VPS52: variants seen among roughly 807,000 people sequenced by gnomAD.
The protein encoded by VPS52 is vacuolar protein sorting-associated protein 52 homolog.
A neutral mutation model predicts 98.7 loss-of-function variants in VPS52; 56 were observed. The ratio of observed to expected loss-of-function variants is 0.57; its 90% CI spans 0.46 to 0.71. VPS52 has a LOEUF of 0.71. Among genes scored for constraint, VPS52 ranks in the 30% least tolerant of loss-of-function variants. VPS52 has a pLI of 0.00. For synonymous variants in VPS52, 348 were observed against 346.4 expected (o/e 1.00, Z -0.05); for missense variants, 742 against 925.9 (o/e 0.80, Z 2.58).
chr6:33,257,538 A>T (rs1763130534), intron 17 of VPS52, among the ~76,000 whole-genome samples: 1 of 152,074 alleles, frequency 6.6e-6, no homozygotes, highest in South Asian at 2.1e-4. Context: ...AGCTAGGACT[A>T]CAGGTACGCA....
At chr6:33,251,064 C>T in intron 19 of VPS52, 77 bp from the exon 20 acceptor site, 1 of 1,599,378 alleles carries the variant, frequency 6.3e-7, no homozygotes, top group Non-Finnish European at 8.5e-7. Context: ...GGTTAGGCGG[C>T]CAGGCGCAGT....
chr6:33,251,372 G>C, intron 19 of VPS52, 146 bp downstream of exon 19: 3 of 664,834 alleles, frequency 4.5e-6, no homozygotes, highest in East Asian at 2.5e-5. Flanking sequence ...AAAAAAAAAA[G>C]AATCAGGTTA....
intron 14 of VPS52, 48 bp downstream of exon 14, chr6:33,264,326 T>TA (rs754682846): frequency 6.2e-7 from 1 of 1,606,788 alleles, no homozygotes; most frequent in Non-Finnish European, 8.5e-7. Flanking sequence ...CAATGATGCT[T>TA]AGAGCCCTGC....
At chr6:33,251,443 G>T in intron 19 of VPS52, 75 bp downstream of exon 19, 1 of 1,026,914 alleles carries the variant, frequency 9.7e-7, no homozygotes, top group Non-Finnish European at 1.5e-6. Flanking sequence ...CTTAGATGAT[G>T]CTGAGCCCAG....
chr6:33,261,008 AAAAG>A (rs1220985086), intron 17 of VPS52, among the ~76,000 whole-genome samples: 6 of 152,170 alleles, frequency 3.9e-5, no homozygotes, highest in African/African-American at 1.4e-4. Flanking sequence ...TTAAAAAAAA[AAAAG>A]AATCATAAGA....
Position 33,268,723 on chromosome 6 carries a change from C to A in VPS52, c.549-74G>T. On this transcript the variant is annotated intron_variant, in intron 6 of 19. Coordinates refer to ENST00000445902, the MANE Select transcript of VPS52 (RefSeq NM_022553.6). The surrounding 1 kb of genome is among the most constrained non-coding windows in gnomAD (Gnocchi z 4.0). ...CCCTAAACCAGACCCAGACCACACT[C>A]CTTACCTCCAGCCCCTGTCATCTCT... 2 of 1,489,938 alleles carry A rather than the reference C, an allele frequency of 1.3e-6. No individual in the cohort carries two copies. Among genetic ancestry groups the A allele is most frequent in the South Asian group, 1.3e-5 (1 of 77,486 alleles). The allele number at this position is 1,489,938 out of a possible 1,614,324, so 92.3% of individuals were successfully genotyped here. A position where few individuals can be genotyped will look rare whatever the true frequency, so the allele number is the denominator to read the frequency against.
chr6:33,264,388 T>C lies in VPS52; in HGVS notation c.1510A>G (p.Thr504Ala), dbSNP rs1317289680. 1 of 1,614,092 alleles carries C rather than the reference T, an allele frequency of 6.2e-7. No individual in the cohort carries two copies. Among genetic ancestry groups the C allele is most frequent in the Non-Finnish European group, 8.5e-7 (1 of 1,180,006 alleles). Residue 504 changes from threonine (T) to alanine (A), a missense_variant, in exon 14 of 20, where the codon ACT becomes GCT. Physicochemically the swap from Thr to Ala is moderately conservative, Grantham distance 58. Around this residue, in one of 2 missense-constraint regions of VPS52, gnomAD observed 590 missense variants for 793.3 expected, o/e 0.74. Coordinates refer to ENST00000445902, the MANE Select transcript of VPS52 (RefSeq NM_022553.6). The stretch of plus-strand genomic sequence containing the variant: ...CCCTCCCTCACATAGTGGGGCCGAG[T>C]ATCCAACCCCCCTAGGCGCTGGGGG... ...TDPQRLGGLD[T>A]RPHYITRRYA...
intron 11 of VPS52, among the ~76,000 whole-genome samples, 180 bp from the exon 12 acceptor site, chr6:33,266,892 T>C (rs537100844): frequency 5.9e-5 from 9 of 152,048 alleles, no homozygotes; most frequent in Admixed American, 4.6e-4. Flanking sequence ...TGGGGGAACA[T>C]AGGGGTACAA....
chr6:33,263,987 T>C, intron 15 of VPS52, 21 bp downstream of exon 15: 1 of 1,614,046 alleles, frequency 6.2e-7, no homozygotes, highest in Non-Finnish European at 8.5e-7. Context: ...TGCTGGGAAG[T>C]GTCTCCTGTC....
At chr6:33,258,516 C>T (rs1581575682) in intron 17 of VPS52, among the ~76,000 whole-genome samples, 2 of 149,618 alleles carry the variant, frequency 1.3e-5, no homozygotes, top group Non-Finnish European at 3.0e-5. Context: ...CTGTAACCTA[C>T]GTATAATCAA....
intron 12 of VPS52, 114 bp from the exon 13 acceptor site, chr6:33,265,014 A>G: frequency 1.1e-6 from 1 of 921,142 alleles, no homozygotes; most frequent in Non-Finnish European, 1.8e-6. Context: ...ACAGGACAGA[A>G]GGGAGAGACG....
intron 17 of VPS52, among the ~76,000 whole-genome samples, chr6:33,253,666 G>A (rs1762590743): frequency 6.6e-6 from 1 of 151,898 alleles, no homozygotes; most frequent in Non-Finnish European, 1.5e-5. Context: ...GAGGTGGGAG[G>A]ATCACTTGAG....
intron 17 of VPS52, among the ~76,000 whole-genome samples, chr6:33,256,463 C>CAAAAAAAAAAAAAAAAAAAAAA (rs9280385): frequency 2.4e-5 from 2 of 83,742 alleles, no homozygotes; most frequent in African/African-American, 5.3e-5. Flanking sequence ...AAACCTGTCT[C>CAAAAAAAAAAAAAAAAAAAAAA]AAAAAAAAAA....
intron 19 of VPS52, among the ~76,000 whole-genome samples, 198 bp downstream of exon 19, chr6:33,251,320 C>T (rs1224026772): frequency 6.7e-6 from 1 of 148,930 alleles, no homozygotes; most frequent in East Asian, 2.0e-4. Flanking sequence ...CCAGCCTGGA[C>T]AACAGAGCTA....
At chr6:33,265,522 A>G (rs1764201935) in intron 12 of VPS52, among the ~76,000 whole-genome samples, 1 of 152,128 alleles carries the variant, frequency 6.6e-6, no homozygotes, top group Admixed American at 6.5e-5. Flanking sequence ...GTGTACCACC[A>G]TGCCTGGTTA....
rs1439640183 is a variant in VPS52, at chr6:33,271,822, C to T, written c.-147G>A. 1.4e-6 allele frequency: 2 copies of T among 1,434,630 alleles called. No individual in the cohort carries two copies. The highest frequency in any genetic ancestry group is 1.8e-6 in the Non-Finnish European group (2 of 1,091,052). 88.9% of individuals were successfully genotyped at this position (1,434,630 alleles called of 1,614,324 possible). ...TTTGACTCCAGCTGTCCCCTTTCAG[C>T]TCTAACCACTTCACCCAACTGCAAA... On this transcript the variant is annotated 5_prime_UTR_variant, in exon 1 of 20. Transcript: ENST00000445902.
chr6:33,262,137 T>A lies in VPS52; in HGVS notation c.1794+1347A>T, dbSNP rs531580626. 2.7e-5 allele frequency among the ~76,000 whole-genome samples: 4 copies of A among 150,186 alleles called. No homozygotes were observed. In the South Asian group the frequency reaches 6.3e-4, roughly 24 times the overall value. On this transcript the variant is annotated intron_variant, in intron 17 of 19. Coordinates refer to ENST00000445902, the MANE Select transcript of VPS52 (RefSeq NM_022553.6). ...TTTGCACATCCCATCTGCCAAGGGA[T>A]TAATAACCAGAATATATAAGGGGCT... is the stretch of plus-strand genomic sequence containing the variant.
At chr6:33,271,900 C>T (rs1223234092), upstream of VPS52, 2 of 1,122,950 alleles carry the variant, frequency 1.8e-6, no homozygotes, top group Non-Finnish European at 1.2e-6. Context: ...TCGCTGTTCT[C>T]TTACCTATGA....
intron 17 of VPS52, among the ~76,000 whole-genome samples, chr6:33,262,876 G>T (rs1763793242): frequency 6.6e-6 from 1 of 152,172 alleles, no homozygotes; most frequent in East Asian, 1.9e-4. Context: ...GGCTACCAGA[G>T]GCTGGGAAGG....
Sources: gnomAD v4.1 joint callset for allele counts (sites outside exome capture counted in the v4.1 genomes callset) on GRCh38, gnomAD v4.1.1 for gene constraint, gnomAD v4.1.1 regional missense constraint, Gnocchi (gnomAD v3.1) non-coding constraint, MANE v1.5 for transcripts, NCBI Gene and HGNC (gene_info 2026-07-23, HGNC 2026-07-21) for gene names.